The following RNF212 variants were observed in gnomAD, a reference collection of about 807,000 sequenced individuals.
RNF212 encodes probable E3 SUMO-protein ligase RNF212.
A neutral mutation model predicts 34.7 loss-of-function variants in RNF212; 33 were observed. That is an observed-to-expected ratio of 0.95 (90% CI 0.72 to 1.27). The LOEUF (loss-of-function observed/expected upper bound fraction) is 1.27, where lower values mean the gene tolerates loss of function less well. Ranked by LOEUF, RNF212 falls within the 50% of genes most tolerant of loss-of-function variation. The probability of loss-of-function intolerance (pLI) is 0.00; values close to 1 mark genes in which losing one functional copy is unlikely to be tolerated. For synonymous variants in RNF212, 140 were observed against 136.1 expected (o/e 1.03, Z -0.20); for missense variants, 377 against 362.2 (o/e 1.04, Z -0.33).
chr4:1,086,074 G>A (rs769263525), intron 4 of RNF212, 120 bp from the exon 5 acceptor site: 3 of 759,720 alleles, frequency 3.9e-6, no homozygotes, highest in East Asian at 2.5e-5. Context: ...TTGCCCTCAC[G>A]CTGCTCAGGA....
intron 3 of RNF212, among the ~76,000 whole-genome samples, chr4:1,065,732 G>A (rs1021645660): frequency 6.6e-6 from 1 of 151,926 alleles, no homozygotes. Flanking sequence ...GACTACAGGT[G>A]TGTGCCACCA....
At chr4:1,075,081 G>A (rs1349331049) in intron 8 of RNF212, among the ~76,000 whole-genome samples, 1 of 152,214 alleles carries the variant, frequency 6.6e-6, no homozygotes, top group African/African-American at 2.4e-5. Flanking sequence ...ACAGCTGTGA[G>A]TTACAGAAGA....
intron 4 of RNF212, chr4:1,056,757 G>A: frequency 1.3e-6 from 1 of 790,770 alleles, no homozygotes. Flanking sequence ...GGCTGCCCTT[G>A]GCACACACTC....
chr4:1,081,254 C>A (rs1720287890), intron 7 of RNF212, among the ~76,000 whole-genome samples, 165 bp downstream of exon 7: 1 of 151,944 alleles, frequency 6.6e-6, no homozygotes, highest in African/African-American at 2.4e-5. Context: ...GGGACCTGAG[C>A]CTCGCAGGGA....
At chr4:1,078,485 G>A (rs552479590) in intron 8 of RNF212, among the ~76,000 whole-genome samples, 15 of 152,328 alleles carry the variant, frequency 9.8e-5, no homozygotes, top group Admixed American at 5.2e-4. Context: ...TTCCGGGCAG[G>A]TTTCCTCTGG....
intron 2 of RNF212, among the ~76,000 whole-genome samples, chr4:1,106,168 C>T (rs1160983394): frequency 6.6e-6 from 1 of 151,654 alleles, no homozygotes; most frequent in Non-Finnish European, 1.5e-5. Context: ...GAAGACACTG[C>T]GGAAGAAAGA....
At chr4:1,085,683 T>G in intron 5 of RNF212, 55 of 566,582 alleles carry the variant, frequency 9.7e-5, no homozygotes, top group East Asian at 2.1e-4. Flanking sequence ...GGGGAAACCA[T>G]TCATCTCTTT....
At chr4:1,100,027 T>C (rs1213911817) in intron 2 of RNF212, 2 of 385,978 alleles carry the variant, frequency 5.2e-6, no homozygotes, top group Non-Finnish European at 1.0e-5. Context: ...TAATTTACTG[T>C]CTTGAAACAC....
chr4:1,101,712 GA>G (rs1278601671), intron 2 of RNF212, among the ~76,000 whole-genome samples: 5 of 152,150 alleles, frequency 3.3e-5, no homozygotes, highest in African/African-American at 1.2e-4. Context: ...CTGCCATAGG[GA>G]AACAAAAATA....
chr4:1,098,007 G>A (rs1320317979), intron 2 of RNF212, among the ~76,000 whole-genome samples: 5 of 152,188 alleles, frequency 3.3e-5, no homozygotes, highest in Non-Finnish European at 7.3e-5. Flanking sequence ...GGAGGTTGCA[G>A]TGAGCCGAGA....
intron 2 of RNF212, among the ~76,000 whole-genome samples, chr4:1,099,184 G>A (rs1476466775): frequency 6.6e-6 from 1 of 152,202 alleles, no homozygotes; most frequent in Non-Finnish European, 1.5e-5. Flanking sequence ...GATAAGCCAG[G>A]TGCCGGAATT....
intron 2 of RNF212, among the ~76,000 whole-genome samples, chr4:1,099,287 A>T (rs1723550670): frequency 6.6e-6 from 1 of 152,218 alleles, no homozygotes; most frequent in African/African-American, 2.4e-5. Flanking sequence ...AAAAACAAAA[A>T]CTGAAAACAC....
At chr4:1,059,380 T>A (rs1259891708) in intron 3 of RNF212, among the ~76,000 whole-genome samples, 1 of 152,228 alleles carries the variant, frequency 6.6e-6, no homozygotes, top group African/African-American at 2.4e-5. Context: ...TGCCTTCACT[T>A]CTGTCTTGTA....
chr4:1,069,295 T>C (rs1718290317), downstream of RNF212, among the ~76,000 whole-genome samples: 1 of 152,150 alleles, frequency 6.6e-6, no homozygotes. Context: ...AAAAAGCTCT[T>C]CTTTATAGTA....
chr4:1,085,967 A>G lies in RNF212; in HGVS notation c.304-13T>C. 6.3e-7 allele frequency: 1 copy of G among 1,583,540 alleles called. No individual in the cohort carries two copies. ...CCAACCTAGAAATCTAAACATAATT[A>G]CACAACCTCTTGTTATCAGACAGGC... On this transcript the variant is annotated splice_polypyrimidine_tract_variant and intron_variant, in intron 4 of 9. Coordinates refer to ENST00000433731, the MANE Select transcript of RNF212 (RefSeq NM_001131034.4).
At chr4:1,096,969 C>T (rs533298860) in intron 2 of RNF212, 130 bp from the exon 3 acceptor site, 2 of 723,740 alleles carry the variant, frequency 2.8e-6, no homozygotes, top group East Asian at 2.5e-5. Flanking sequence ...TGTGAATGGC[C>T]TCTCAGGGGC....
intron 2 of RNF212, among the ~76,000 whole-genome samples, chr4:1,106,063 G>C (rs1427797395): frequency 6.6e-6 from 1 of 152,226 alleles, no homozygotes; most frequent in East Asian, 1.9e-4. Context: ...TCTGGCTGCA[G>C]GGTGAAGAGG....
chr4:1,072,552 C>G lies in RNF212; in HGVS notation c.*322G>C, dbSNP rs754697971. ...ACCTTCCTTTCAATTTTTCTGTGAA[C>G]CTAAAACTGCTCTAAGAAAAAGTTT... is the stretch of plus-strand genomic sequence containing the variant. On this transcript the variant is annotated 3_prime_UTR_variant, in exon 10 of 10. Coordinates refer to ENST00000433731, the MANE Select transcript of RNF212 (RefSeq NM_001131034.4). The G allele has an allele frequency of 6.6e-5, 36 of 544,032 alleles. No individual in the cohort carries two copies. Among genetic ancestry groups the G allele is most frequent in the Non-Finnish European group, 8.9e-5 (36 of 403,024 alleles). 33.7% of individuals were successfully genotyped at this position (544,032 alleles called of 1,614,324 possible). A position where few individuals can be genotyped will look rare whatever the true frequency, so the allele number is the denominator to read the frequency against.
intron 3 of RNF212, chr4:1,093,304 TGA>T: frequency 2.2e-6 from 2 of 910,020 alleles, no homozygotes; most frequent in Non-Finnish European, 3.0e-6. Context: ...AAATTAAGAC[TGA>T]GACAAATCTA....
Sources: allele counts gnomAD v4.1 joint callset (sites outside exome capture counted in the v4.1 genomes callset), GRCh38; gene constraint gnomAD v4.1.1; transcripts MANE v1.5; gene names NCBI Gene and HGNC (gene_info 2026-07-23, HGNC 2026-07-21).